ATG3: variants seen among roughly 807,000 people sequenced by gnomAD.
ATG3 encodes the protein ubiquitin-like-conjugating enzyme ATG3.
Under a neutral mutation model 50.7 loss-of-function variants are expected in ATG3, and 25 were observed. That is an observed-to-expected ratio of 0.49 (90% confidence interval 0.36 to 0.69). The LOEUF (loss-of-function observed/expected upper bound fraction) is 0.69, where lower values mean the gene tolerates loss of function less well. ATG3 is among the 30% of genes least tolerant of loss of function. The probability of loss-of-function intolerance (pLI) is 0.00; values close to 1 mark genes in which losing one functional copy is unlikely to be tolerated. For synonymous variants in ATG3, 119 were observed against 125.5 expected, an observed-to-expected ratio of 0.95 and a Z score of 0.34; for missense variants, 281 against 376.0, an observed-to-expected ratio of 0.75 and a Z score of 2.09.
At position 112,561,671 on chromosome 3, in the gene ATG3, C is replaced by CGACGG. The variant is rs1490803828; in HGVS notation, c.-148_-144dup. The CGACGG allele has an allele frequency of 1.2e-6, 1 of 813,840 alleles. No homozygotes were observed. The highest frequency in any genetic ancestry group is 1.9e-6 in the Non-Finnish European group (1 of 529,234). 50.4% of individuals were successfully genotyped at this position (813,840 alleles called of 1,614,324 possible). On this transcript the variant is annotated 5_prime_UTR_variant, in exon 1 of 12. Coordinates refer to ENST00000283290, the MANE Select transcript of ATG3 (RefSeq NM_022488.5). ...GCACCCGAGGGGACGGGACGCGACG[C>CGACGG]GACGGGACGGGCGGGACGAGGGGGC...
intron 6 of ATG3, among the ~76,000 whole-genome samples, chr3:112,542,555 T>C (rs1398480335): frequency 6.6e-6 from 1 of 152,038 alleles, no homozygotes; most frequent in Non-Finnish European, 1.5e-5. Context: ...GGTGGTTTAA[T>C]TTAACACTAG....
chr3:112,537,359 T>C (rs1288514227), intron 9 of ATG3, among the ~76,000 whole-genome samples: 1 of 152,144 alleles, frequency 6.6e-6, no homozygotes, highest in Non-Finnish European at 1.5e-5. Flanking sequence ...AATACATACA[T>C]ACAACAATCC....
Position 112,537,862 on chromosome 3 carries a change from TCTA to T in ATG3, c.536_538del (p.Val179del). 6.2e-7 allele frequency: 1 copy of T among 1,610,444 alleles called. No individual in the cohort carries two copies. The highest frequency in any genetic ancestry group is 8.5e-7 in the Non-Finnish European group (1 of 1,179,112). ...AGCATCAGTTTTGGCTTTACAAGCT[TCTA>T]CTATTTTCCTTGTATCTAGGGTAGC... On this transcript the variant is annotated inframe_deletion, in exon 9 of 12. Coordinates refer to ENST00000283290, the MANE Select transcript of ATG3 (RefSeq NM_022488.5).
At position 112,538,170 on chromosome 3, in the gene ATG3, C is replaced by CTCTTCATAT. The variant is rs1933126090; in HGVS notation, c.477_485dup (p.Tyr160_Glu162dup). On this transcript the variant is annotated inframe_insertion, in exon 8 of 12. Coordinates refer to ENST00000283290, the MANE Select transcript of ATG3 (RefSeq NM_022488.5). The stretch of plus-strand genomic sequence containing the variant: ...CCTCATCTGTTTCCAACAATCCACT[C>CTCTTCATAT]TCTTCATATTCTGTTATAAAAAAAC... The CTCTTCATAT allele has an allele frequency of 6.3e-7, 1 of 1,582,974 alleles. No homozygotes were observed. The highest frequency in any genetic ancestry group is 1.4e-5 in the African/African-American group (1 of 73,442).
chr3:112,535,908 G>C (rs954063315), intron 10 of ATG3: 9 of 152,578 alleles, frequency 5.9e-5, no homozygotes, highest in Admixed American at 5.9e-4. Context: ...ATGTATATAG[G>C]TTCAGCTTCA....
intron 7 of ATG3, among the ~76,000 whole-genome samples, chr3:112,541,338 G>A (rs187658658): frequency 1.3e-5 from 2 of 151,532 alleles, no homozygotes; most frequent in East Asian, 3.9e-4. Context: ...AGTGAGCAGA[G>A]ATCGCACCAC....
At chr3:112,557,630 T>C (rs538955250) in intron 2 of ATG3, among the ~76,000 whole-genome samples, 1 of 152,016 alleles carries the variant, frequency 6.6e-6, no homozygotes, top group South Asian at 2.1e-4. Flanking sequence ...AAAAAAAAAT[T>C]AAAAAAACCA....
At chr3:112,554,982 C>T (rs992266704) in intron 2 of ATG3, among the ~76,000 whole-genome samples, 3 of 152,146 alleles carry the variant, frequency 2.0e-5, no homozygotes, top group Non-Finnish European at 2.9e-5. Context: ...TTGAGCACTT[C>T]GAGCTCATTG....
intron 4 of ATG3, 130 bp from the exon 5 acceptor site, chr3:112,548,770 T>TAG: frequency 1.4e-6 from 1 of 727,010 alleles, no homozygotes; most frequent in Non-Finnish European, 2.3e-6. Context: ...ATATTTCACT[T>TAG]TTAAAGGTGA....
intron 3 of ATG3, among the ~76,000 whole-genome samples, chr3:112,550,901 C>A (rs2638025): frequency 0.98 from 149,637 of 152,354 alleles, 73,491 homozygotes; most frequent in Admixed American, 0.99. Context: ...AACAGTAGAA[C>A]ATATAAATAT....
At chr3:112,545,622 C>G (rs1576720466) in intron 5 of ATG3, among the ~76,000 whole-genome samples, 1 of 152,040 alleles carries the variant, frequency 6.6e-6, no homozygotes, top group Non-Finnish European at 1.5e-5. Flanking sequence ...CAGTAAAACC[C>G]AAATTTTAAC....
chr3:112,542,005 C>T (rs915420157), intron 6 of ATG3, 121 bp from the exon 7 acceptor site: 2 of 662,404 alleles, frequency 3.0e-6, no homozygotes, highest in Non-Finnish European at 4.9e-6. Flanking sequence ...AGTTCTTGTC[C>T]ACAAAAACCT....
intron 2 of ATG3, among the ~76,000 whole-genome samples, chr3:112,556,734 C>CTGTGCTCTCTGAAACA (rs1489403643): frequency 1.3e-5 from 2 of 151,994 alleles, no homozygotes; most frequent in Non-Finnish European, 2.9e-5. Context: ...ACCCCCAACC[C>CTGTGCTCTCTGAAACA]TGTGCTCTCT....
Position 112,561,767 on chromosome 3 carries a change from G to A in ATG3, c.-239C>T. 2 of 512,580 alleles carry A rather than the reference G, an allele frequency of 3.9e-6. No individual in the cohort carries two copies. Among genetic ancestry groups the A allele is most frequent in the Non-Finnish European group, 6.8e-6 (2 of 292,724 alleles). 31.8% of individuals were successfully genotyped at this position (512,580 alleles called of 1,614,324 possible). A position where few individuals can be genotyped will look rare whatever the true frequency, so the allele number is the denominator to read the frequency against. On this transcript the variant is annotated 5_prime_UTR_variant, in exon 1 of 12. Coordinates refer to ENST00000283290, the MANE Select transcript of ATG3 (RefSeq NM_022488.5). Reference sequence around the variant, plus strand: ...ACCCCAGGCAGCCCGCGACGGACCGGACCCAGCTGTCACCCAGCCGCGAGG... The same window carrying A: ...ACCCCAGGCAGCCCGCGACGGACCGAACCCAGCTGTCACCCAGCCGCGAGG...
chr3:112,542,823 C>G (rs1252153055), intron 6 of ATG3, among the ~76,000 whole-genome samples: 1 of 151,460 alleles, frequency 6.6e-6, no homozygotes, highest in African/African-American at 2.4e-5. Context: ...TACCATAAGC[C>G]CGTCCAAGAA....
rs571726793 is a variant in ATG3, at chr3:112,548,573, A to C, written c.303T>G (p.Asp101Glu). 1 of 1,613,950 alleles carries C rather than the reference A, an allele frequency of 6.2e-7. No homozygotes were observed. Among genetic ancestry groups the C allele is most frequent in the African/African-American group, 1.3e-5 (1 of 75,014 alleles). ...SDELEAIIEE[D>E]DGDGGWVDTY... ...TATCTACCCATCCGCCATCACCATC[A>C]TCTTCTTCAATGATAGCTTCCAATT... The change falls in exon 5 of 12, where the codon GAT becomes GAG. Residue 101 changes from aspartate (D) to glutamate (E), a missense_variant. Coordinates refer to ENST00000283290, the MANE Select transcript of ATG3 (RefSeq NM_022488.5).
intron 11 of ATG3, chr3:112,533,653 T>C (rs531464278): frequency 1.0e-6 from 1 of 985,304 alleles, no homozygotes; most frequent in East Asian, 1.1e-4. Context: ...ATCATTGATT[T>C]TGACTGTTTT....
intron 5 of ATG3, among the ~76,000 whole-genome samples, chr3:112,547,772 A>G (rs1444710274): frequency 1.3e-5 from 2 of 152,362 alleles, no homozygotes; most frequent in East Asian, 3.9e-4. Context: ...CTTTACCTTC[A>G]TGGAGCTTAC....
At chr3:112,553,407 T>C in intron 2 of ATG3, 78 bp from the exon 3 acceptor site, 1 of 1,272,052 alleles carries the variant, frequency 7.9e-7, no homozygotes, top group South Asian at 1.2e-5. Flanking sequence ...GGTGGCAAAA[T>C]ACCAAACTGA....
Sources: allele counts gnomAD v4.1 joint callset (sites outside exome capture counted in the v4.1 genomes callset), GRCh38; gene constraint gnomAD v4.1.1; transcripts MANE v1.5; gene names NCBI Gene and HGNC (gene_info 2026-07-23, HGNC 2026-07-21).